AGBL4: variants seen among roughly 807,000 people sequenced by gnomAD.
The protein encoded by AGBL4 is cytosolic carboxypeptidase 6.
Under a neutral mutation model 66.4 loss-of-function variants are expected in AGBL4, and 58 were observed. The ratio of observed to expected loss-of-function variants is 0.87; its 90% CI spans 0.71 to 1.09. The LOEUF is 1.09. Among genes scored for constraint, AGBL4 ranks in the 50% least tolerant of loss-of-function variants. The probability of loss-of-function intolerance (pLI) is 0.00; values close to 1 mark genes in which losing one functional copy is unlikely to be tolerated. For missense variants in AGBL4, 579 were observed against 631.0 expected (o/e 0.92, Z 0.88); for synonymous variants, 234 against 222.9 (o/e 1.05, Z -0.44).
intron 8 of AGBL4, among the ~76,000 whole-genome samples, chr1:48,635,660 C>A (rs1311283371): frequency 6.6e-6 from 1 of 152,228 alleles, no homozygotes; most frequent in African/African-American, 2.4e-5. Context: ...GGAGCTTCTA[C>A]AAATGGACCA....
At chr1:49,086,199 T>C (rs1407738096) in intron 4 of AGBL4, among the ~76,000 whole-genome samples, 4 of 151,912 alleles carry the variant, frequency 2.6e-5, no homozygotes, top group Non-Finnish European at 5.9e-5. Context: ...CTATGTGAAT[T>C]CAGCCAGTGG....
At chr1:49,256,256 T>C (rs375172402) in intron 3 of AGBL4, among the ~76,000 whole-genome samples, 1 of 152,276 alleles carries the variant, frequency 6.6e-6, no homozygotes, top group East Asian at 1.9e-4. Context: ...ATACATTCTA[T>C]ACATATATCA....
intron 4 of AGBL4, among the ~76,000 whole-genome samples, chr1:49,121,717 TG>T (rs2148046421): frequency 6.6e-6 from 1 of 152,338 alleles, no homozygotes; most frequent in South Asian, 2.1e-4. Flanking sequence ...AACGCCATGC[TG>T]GGAGAACCAC....
intron 1 of AGBL4, among the ~76,000 whole-genome samples, chr1:49,938,112 G>A (rs1193540028): frequency 6.7e-6 from 1 of 149,936 alleles, no homozygotes; most frequent in African/African-American, 2.5e-5. Flanking sequence ...GACTAATAAA[G>A]AAGAAAAGAG....
intron 3 of AGBL4, among the ~76,000 whole-genome samples, chr1:49,569,001 GAATT>G (rs1644272616): frequency 6.6e-6 from 1 of 152,116 alleles, no homozygotes; most frequent in African/African-American, 2.4e-5. Flanking sequence ...ACACATGAAA[GAATT>G]AATAAAATGT....
At chr1:49,916,302 T>A (rs1651483835) in intron 1 of AGBL4, among the ~76,000 whole-genome samples, 1 of 152,060 alleles carries the variant, frequency 6.6e-6, no homozygotes, top group Non-Finnish European at 1.5e-5. Flanking sequence ...AAGGAGGAAG[T>A]TCGAACCCAT....
At chr1:49,401,232 G>A (rs1645079052) in intron 3 of AGBL4, among the ~76,000 whole-genome samples, 1 of 152,142 alleles carries the variant, frequency 6.6e-6, no homozygotes, top group Non-Finnish European at 1.5e-5. Flanking sequence ...GCCATGCGAA[G>A]GGGGAAGCAC....
At chr1:49,360,339 T>C (rs1329778690) in intron 3 of AGBL4, among the ~76,000 whole-genome samples, 2 of 152,212 alleles carry the variant, frequency 1.3e-5, no homozygotes, top group African/African-American at 4.8e-5. Context: ...GTCATAAGAA[T>C]TAAATGAGCT....
chr1:49,042,125 GTATATCAAGACTTGTA>G (rs1217553017), intron 5 of AGBL4, among the ~76,000 whole-genome samples: 4 of 152,096 alleles, frequency 2.6e-5, no homozygotes, highest in Middle Eastern at 6.8e-3. Context: ...ACTTCTGGAA[GTATATCAAGACTTGTA>G]TATATACCTT....
intron 3 of AGBL4, among the ~76,000 whole-genome samples, chr1:49,640,205 G>T (rs1166562136): frequency 6.6e-6 from 1 of 152,184 alleles, no homozygotes; most frequent in Non-Finnish European, 1.5e-5. Flanking sequence ...TTACTCATTA[G>T]ACAACTTACT....
intron 3 of AGBL4, among the ~76,000 whole-genome samples, chr1:49,391,285 A>G (rs1644840085): frequency 6.6e-6 from 1 of 152,188 alleles, no homozygotes; most frequent in Non-Finnish European, 1.5e-5. Context: ...AAAAGACATC[A>G]CAGGGTTTAA....
At chr1:48,597,096 C>T (rs1645005642) in intron 9 of AGBL4, among the ~76,000 whole-genome samples, 1 of 152,182 alleles carries the variant, frequency 6.6e-6, no homozygotes, top group Non-Finnish European at 1.5e-5. Flanking sequence ...ACATCTTGTT[C>T]ACCTTTTACT....
rs59375818 is a variant in AGBL4 at position 48,936,983 on chromosome 1, G to A, written c.595-69753C>T. ...TACCCATGAAGAACTTTGTCCTCTT[G>A]AAAATACAAAATATCACAACTGAAA... On this transcript the variant is annotated intron_variant, in intron 5 of 13. Transcript: ENST00000371839. Among the ~76,000 whole-genome samples the A allele has an allele frequency of 9.0e-3, 1,364 of 152,196 alleles. 23 individuals carry two copies. The highest frequency in any genetic ancestry group is 0.026 in the African/African-American group (1,076 of 41,516).
intron 4 of AGBL4, among the ~76,000 whole-genome samples, chr1:49,107,435 G>C (rs1266852762): frequency 6.6e-6 from 1 of 152,118 alleles, no homozygotes; most frequent in Non-Finnish European, 1.5e-5. Flanking sequence ...GAAGTTAGGA[G>C]TATCTGTACA....
intron 4 of AGBL4, among the ~76,000 whole-genome samples, chr1:49,215,101 G>A (rs1240456700): frequency 2.0e-5 from 3 of 151,558 alleles, no homozygotes; most frequent in Non-Finnish European, 2.9e-5. Context: ...GATTTTTTTT[G>A]TCTCTCAGGA....
chr1:49,257,880 G>C (rs1652690859), intron 3 of AGBL4, among the ~76,000 whole-genome samples: 1 of 152,174 alleles, frequency 6.6e-6, no homozygotes. Context: ...CCTGACCCCT[G>C]ATCCCTGAGC....
In AGBL4 at chr1:49,965,916, A is replaced by C. The variant is rs892023587; in HGVS notation, c.34+57847T>G. 5.3e-5 allele frequency among the ~76,000 whole-genome samples: 8 copies of C among 151,158 alleles called. No individual in the cohort carries two copies. The South Asian group carries it at 1.7e-3, about 32-fold the overall frequency. ...AAAATAATAATAATAATTCAACCAG[A>C]GCCCCATTAGTCTATTACAATGATT... On this transcript the variant is annotated intron_variant, in intron 1 of 13. Transcript: ENST00000371839.
chr1:48,828,927 G>A (rs1245868213), intron 6 of AGBL4, among the ~76,000 whole-genome samples: 2 of 152,188 alleles, frequency 1.3e-5, no homozygotes, highest in African/African-American at 2.4e-5. Context: ...GTGTACGTGT[G>A]TGTGTGTATG....
chr1:49,203,088 C>CAA (rs139732827), intron 4 of AGBL4, among the ~76,000 whole-genome samples: 114,588 of 135,666 alleles, frequency 0.84, 49,338 homozygotes, highest in East Asian at 0.93. Flanking sequence ...TGGCTACTAT[C>CAA]AAAAAAAAAA....
Sources: allele counts gnomAD v4.1 joint callset (sites outside exome capture counted in the v4.1 genomes callset), GRCh38; gene constraint gnomAD v4.1.1; transcripts MANE v1.5; gene names NCBI Gene and HGNC (gene_info 2026-07-23, HGNC 2026-07-21).